The following MGAT4C variants were observed in gnomAD, a reference collection of about 807,000 sequenced individuals.
MGAT4C encodes the protein MGAT4 family member C, also known as alpha-1,3-mannosyl-glycoprotein 4-beta-N-acetylglucosaminyltransferase C.
Under a neutral mutation model 40.1 loss-of-function variants are expected in MGAT4C, and 19 were observed. The observed-to-expected ratio is 0.47, with a 90% CI of 0.33 to 0.70. MGAT4C has a LOEUF of 0.70. MGAT4C is among the 30% of genes least tolerant of loss of function. The pLI is 0.02. For missense variants in MGAT4C, 491 were observed against 563.2 expected, an observed-to-expected ratio of 0.87 and a Z score of 1.30; for synonymous variants, 181 against 187.1, an observed-to-expected ratio of 0.97 and a Z score of 0.27.
At chr12:86,412,572 C>T (rs573249659) in intron 3 of MGAT4C, among the ~76,000 whole-genome samples, 3 of 152,078 alleles carry the variant, frequency 2.0e-5, no homozygotes, top group Non-Finnish European at 4.4e-5. Flanking sequence ...AATGCCTGTA[C>T]CCACATTGTA....
intron 2 of MGAT4C, among the ~76,000 whole-genome samples, chr12:86,605,434 G>T (rs1593036766): frequency 6.6e-6 from 1 of 152,046 alleles, no homozygotes; most frequent in Non-Finnish European, 1.5e-5. Context: ...TCGGCAGCCT[G>T]TTCAGAATAA....
chr12:86,484,664 G>A (rs925332285), intron 2 of MGAT4C, among the ~76,000 whole-genome samples: 6 of 152,338 alleles, frequency 3.9e-5, no homozygotes, highest in East Asian at 3.9e-4. Flanking sequence ...TTTGTGGACC[G>A]GCGTGGGAGT....
chr12:86,184,948 TCTGTCTTAACG>T (rs1888581931), intron 1 of MGAT4C, among the ~76,000 whole-genome samples: 1 of 152,096 alleles, frequency 6.6e-6, no homozygotes, highest in Middle Eastern at 3.2e-3. Context: ...TAGTTCCCAC[TCTGTCTTAACG>T]CTGTAAGGAA....
chr12:86,324,911 A>G (rs1034777136), intron 4 of MGAT4C, among the ~76,000 whole-genome samples: 1 of 152,128 alleles, frequency 6.6e-6, no homozygotes, highest in African/African-American at 2.4e-5. Flanking sequence ...CCTAATGATT[A>G]TTATTGAGCC....
At chr12:86,575,260 T>C (rs1960516113) in intron 2 of MGAT4C, among the ~76,000 whole-genome samples, 1 of 135,538 alleles carries the variant, frequency 7.4e-6, no homozygotes, top group Non-Finnish European at 1.6e-5. Context: ...ACACAAGTTA[T>C]TAATGACTGT....
At chr12:86,446,919 T>C (rs550564902) in intron 2 of MGAT4C, among the ~76,000 whole-genome samples, 13 of 151,942 alleles carry the variant, frequency 8.6e-5, no homozygotes, top group African/African-American at 3.1e-4. Context: ...ACCATTACTA[T>C]GTCATGCACT....
intron 1 of MGAT4C, among the ~76,000 whole-genome samples, chr12:86,071,842 T>A (rs1868545624): frequency 6.6e-6 from 1 of 152,146 alleles, no homozygotes; most frequent in African/African-American, 2.4e-5. Flanking sequence ...TCATGATCAG[T>A]GTTCTTAACT....
At chr12:86,646,036 A>C (rs1439337081) in intron 2 of MGAT4C, among the ~76,000 whole-genome samples, 3 of 151,894 alleles carry the variant, frequency 2.0e-5, no homozygotes, top group Non-Finnish European at 4.4e-5. Context: ...ATTTAGAAGC[A>C]AGACTGAAGG....
At chr12:86,774,441 T>G (rs1195800449) in intron 1 of MGAT4C, among the ~76,000 whole-genome samples, 1 of 148,510 alleles carries the variant, frequency 6.7e-6, no homozygotes, top group Non-Finnish European at 1.5e-5. Flanking sequence ...TTCTTTTCTG[T>G]TAGCCATGCA....
Position 86,399,095 on chromosome 12 carries a change from C to T in MGAT4C, c.-120+36062G>A, listed in dbSNP as rs1006062591. Among the ~76,000 whole-genome samples the T allele has an allele frequency of 2.0e-5, 3 of 152,226 alleles. 1 individual carries two copies. The highest frequency in any genetic ancestry group is 4.1e-4 in the South Asian group (2 of 4,820). On this transcript the variant is annotated intron_variant, in intron 3 of 7. Coordinates refer to the MGAT4C transcript ENST00000548651. ...AAGCGATTCTCCTGCCTCAGCCTCC[C>T]GAGTAGCTGGGACTACAGGCACCCA... is the stretch of plus-strand genomic sequence containing the variant.
intron 1 of MGAT4C, among the ~76,000 whole-genome samples, chr12:86,062,036 T>C (rs1894031339): frequency 6.6e-6 from 1 of 152,134 alleles, no homozygotes; most frequent in Non-Finnish European, 1.5e-5. Flanking sequence ...AAGGAACAGA[T>C]GGCCTCGTCG....
intron 1 of MGAT4C, among the ~76,000 whole-genome samples, chr12:86,751,193 T>C (rs1194456032): frequency 6.6e-6 from 1 of 151,978 alleles, no homozygotes; most frequent in Non-Finnish European, 1.5e-5. Context: ...GACAATCTAC[T>C]AGAGAATATT....
intron 4 of MGAT4C, among the ~76,000 whole-genome samples, chr12:86,263,740 G>C (rs1292111196): frequency 6.6e-6 from 1 of 152,096 alleles, no homozygotes; most frequent in Non-Finnish European, 1.5e-5. Context: ...AGTTCTTCAA[G>C]AAATCTCCAT....
At chr12:86,039,871 T>A (rs1891634293) in intron 2 of MGAT4C, among the ~76,000 whole-genome samples, 1 of 152,212 alleles carries the variant, frequency 6.6e-6, no homozygotes, top group Admixed American at 6.5e-5. Flanking sequence ...TATCTACCTT[T>A]GATCTTTGAA....
chr12:86,724,362 A>C (rs1950788229), intron 2 of MGAT4C, among the ~76,000 whole-genome samples: 1 of 152,194 alleles, frequency 6.6e-6, no homozygotes, highest in Non-Finnish European at 1.5e-5. Flanking sequence ...GGCATCTCTA[A>C]TAATTTTCTG....
chr12:86,768,053 A>G (rs1275468759), intron 1 of MGAT4C, among the ~76,000 whole-genome samples: 3 of 152,186 alleles, frequency 2.0e-5, no homozygotes, highest in Non-Finnish European at 4.4e-5. Flanking sequence ...AGAGTATTCA[A>G]TTAGGAAAAG....
At chr12:86,130,940 AG>A (rs1245109452) in intron 1 of MGAT4C, among the ~76,000 whole-genome samples, 11 of 152,144 alleles carry the variant, frequency 7.2e-5, no homozygotes, top group Admixed American at 7.2e-4. Flanking sequence ...TATTATTACT[AG>A]TACTATTTCT....
At position 85,965,215 on chromosome 12, in the gene MGAT4C, A is replaced by C. The variant is rs1883296477; in HGVS notation, c.*14074T>G. The C allele has an allele frequency of 1.3e-5, 2 of 152,160 alleles. No individual in the cohort carries two copies. The highest frequency in any genetic ancestry group is 2.9e-5 in the Non-Finnish European group (2 of 68,032). The allele number at this position is 152,160 out of a possible 1,614,324, so 9.4% of individuals were successfully genotyped here. A position where few individuals can be genotyped will look rare whatever the true frequency, so the allele number is the denominator to read the frequency against. The stretch of plus-strand genomic sequence containing the variant: ...TACATGTGCCATGTTGGTGTTCTGC[A>C]TCTTAAGAGAAGACTATTTATAAAA... On this transcript the variant is annotated 3_prime_UTR_variant, in exon 5 of 5. Coordinates refer to ENST00000611864, the MANE Select transcript of MGAT4C (RefSeq NM_001351288.2).
intron 1 of MGAT4C, among the ~76,000 whole-genome samples, chr12:86,159,366 A>C (rs1267682486): frequency 6.7e-6 from 1 of 149,516 alleles, no homozygotes; most frequent in African/African-American, 2.4e-5. Flanking sequence ...TCTCAGGAAT[A>C]AAGTCCAGTT....
Sources: gnomAD v4.1 joint callset for allele counts (sites outside exome capture counted in the v4.1 genomes callset) on GRCh38, gnomAD v4.1.1 for gene constraint, MANE v1.5 for transcripts, NCBI Gene and HGNC (gene_info 2026-07-23, HGNC 2026-07-21) for gene names.